The following MRPS6 variants were observed in gnomAD, a reference collection of about 807,000 sequenced individuals.
MRPS6 encodes the protein mitochondrial ribosomal protein S6.
MRPS6 carries 6 observed loss-of-function variants against 13.1 expected under a neutral mutation model. The ratio of observed to expected loss-of-function variants is 0.46; its 90% confidence interval spans 0.25 to 0.91. The LOEUF is 0.91. Ranked by LOEUF, MRPS6 falls within the 40% of genes least tolerant of loss-of-function variation. The probability of loss-of-function intolerance (pLI) is 0.18; values close to 1 mark genes in which losing one functional copy is unlikely to be tolerated. For synonymous variants in MRPS6, 61 were observed against 56.5 expected, an observed-to-expected ratio of 1.08 and a Z score of -0.36; for missense variants, 164 against 155.6, an observed-to-expected ratio of 1.05 and a Z score of -0.29.
rs549324983 is a variant in MRPS6 at position 34,128,683 on chromosome 21, G to T, written c.185+3203G>T. Reference sequence around the variant, plus strand: ...ACTTATTTTCCCAGTGGAACAACTTGATGGTTAAGTTCCCAGACTAGTCCA... The same window carrying T: ...ACTTATTTTCCCAGTGGAACAACTTTATGGTTAAGTTCCCAGACTAGTCCA... On this transcript the variant is annotated intron_variant, in intron 2 of 2. Transcript: ENST00000399312. 2.3e-3 allele frequency among the ~76,000 whole-genome samples: 356 copies of T among 152,348 alleles called. 1 individual carries two copies. The highest frequency in any genetic ancestry group is 3.9e-3 in the Non-Finnish European group (265 of 68,030).
At chr21:34,098,829 A>G in intron 1 of MRPS6, 1 of 999,902 alleles carries the variant, frequency 1.0e-6, no homozygotes, top group Non-Finnish European at 1.2e-6. Context: ...TATGCTCAAC[A>G]CTGTCCTTTG....
intron 1 of MRPS6, among the ~76,000 whole-genome samples, chr21:34,115,203 T>C (rs1174364768): frequency 6.6e-6 from 1 of 152,244 alleles, no homozygotes; most frequent in African/African-American, 2.4e-5. Flanking sequence ...GTCATTGGCT[T>C]CTTGCTCCTG....
intron 2 of MRPS6, among the ~76,000 whole-genome samples, chr21:34,138,171 A>G (rs1305661477): frequency 6.6e-6 from 1 of 150,618 alleles, no homozygotes; most frequent in Non-Finnish European, 1.5e-5. Flanking sequence ...TTGTCAGATG[A>G]GTAGGTTGCG....
At chr21:34,103,082 T>C in intron 1 of MRPS6, 1 of 1,000,106 alleles carries the variant, frequency 1.0e-6, no homozygotes, top group Non-Finnish European at 1.2e-6. Context: ...ACTCATCTTT[T>C]TGTTGTTATA....
intron 1 of MRPS6, among the ~76,000 whole-genome samples, chr21:34,086,494 T>C (rs1445598682): frequency 6.9e-6 from 1 of 145,692 alleles, no homozygotes; most frequent in Non-Finnish European, 1.5e-5. Flanking sequence ...TTTATCTGAC[T>C]TGTGTTTATT....
At chr21:34,114,468 A>G (rs1405784568) in intron 1 of MRPS6, among the ~76,000 whole-genome samples, 1 of 152,142 alleles carries the variant, frequency 6.6e-6, no homozygotes, top group Non-Finnish European at 1.5e-5. Flanking sequence ...CGGTTCTCAC[A>G]TTTGTTTGCA....
chr21:34,123,231 A>G (rs1268103454), intron 1 of MRPS6: 2 of 152,226 alleles, frequency 1.3e-5, no homozygotes, highest in Non-Finnish European at 2.9e-5. Context: ...TTTTAAAAAT[A>G]TAGTGGATTT....
At chr21:34,074,073 A>G (rs1172913855) in intron 1 of MRPS6, among the ~76,000 whole-genome samples, 3 of 143,320 alleles carry the variant, frequency 2.1e-5, no homozygotes, top group Non-Finnish European at 4.6e-5. Flanking sequence ...GCGGGAGTCC[A>G]GTGGAAGGTC....
intron 1 of MRPS6, among the ~76,000 whole-genome samples, chr21:34,075,798 T>G (rs1478403330): frequency 1.3e-5 from 2 of 152,232 alleles, no homozygotes; most frequent in Non-Finnish European, 2.9e-5. Flanking sequence ...ACCAGTTTGC[T>G]TGCTTTCAGT....
intron 1 of MRPS6, chr21:34,103,252 G>A (rs189240563): frequency 9.0e-6 from 9 of 996,972 alleles, no homozygotes; most frequent in East Asian, 1.1e-4. Flanking sequence ...GCACCTTTCC[G>A]TTCTTAACAG....
At position 34,073,623 on chromosome 21, in the gene MRPS6, C is replaced by T. The variant is rs1224983583; in HGVS notation, c.-78C>T. 5 of 1,304,276 alleles carry T rather than the reference C, an allele frequency of 3.8e-6. No homozygotes were observed. The highest frequency in any genetic ancestry group is 5.3e-6 in the Non-Finnish European group (5 of 944,500). The allele number at this position is 1,304,276 out of a possible 1,614,324, so 80.8% of individuals were successfully genotyped here. ...GTCCGGCGCAGCAGTTTCTAGGTCC[C>T]CACTGTCCCCGCCGTCCCGCCCCTT... is the stretch of plus-strand genomic sequence containing the variant. On this transcript the variant is annotated 5_prime_UTR_variant, in exon 1 of 3. Coordinates refer to ENST00000399312, the MANE Select transcript of MRPS6 (RefSeq NM_032476.4).
chr21:34,130,419 C>G (rs1389782041), intron 2 of MRPS6, among the ~76,000 whole-genome samples: 1 of 152,098 alleles, frequency 6.6e-6, no homozygotes, highest in Non-Finnish European at 1.5e-5. Flanking sequence ...CTAGGCCTCT[C>G]CAGGGGAGGG....
intron 1 of MRPS6, among the ~76,000 whole-genome samples, chr21:34,085,999 T>A (rs1183405710): frequency 6.6e-6 from 1 of 152,238 alleles, no homozygotes; most frequent in African/African-American, 2.4e-5. Flanking sequence ...TTGTCAAAAG[T>A]GTCTGTCTAC....
intron 2 of MRPS6, chr21:34,135,452 C>T: frequency 2.1e-6 from 1 of 482,940 alleles, no homozygotes; most frequent in South Asian, 1.6e-5. Flanking sequence ...GACTTGGCCA[C>T]ACATGCCAGC....
Position 34,096,981 on chromosome 21 carries a change from A to C in MRPS6, c.45+23236A>C, listed in dbSNP as rs760955268. The C allele has an allele frequency of 6.2e-7, 1 of 1,614,116 alleles. No individual in the cohort carries two copies. Among genetic ancestry groups the C allele is most frequent in the Admixed American group, 1.7e-5 (1 of 60,028 alleles). On this transcript the variant is annotated intron_variant, in intron 1 of 2. Transcript: ENST00000399312. The surrounding 1 kb of genome is among the most constrained non-coding windows in gnomAD (Gnocchi z 5.9). ...TCCCAACGGGAAATCTGAAGACAGC[A>C]TTAAGGGCCTTCAGCCTGAAGATGT...
chr21:34,093,877 A>G (rs963574001), intron 1 of MRPS6, among the ~76,000 whole-genome samples: 1 of 152,232 alleles, frequency 6.6e-6, no homozygotes, highest in African/African-American at 2.4e-5. Flanking sequence ...AGATTTATCT[A>G]ATGGTCCACA....
At chr21:34,130,547 CTGAG>C (rs1376808238) in intron 2 of MRPS6, among the ~76,000 whole-genome samples, 5 of 152,108 alleles carry the variant, frequency 3.3e-5, no homozygotes, top group Non-Finnish European at 5.9e-5. Context: ...AGCCATTTCT[CTGAG>C]TGTTTTCAGA....
intron 1 of MRPS6, chr21:34,099,489 A>C: frequency 1.0e-6 from 1 of 999,878 alleles, no homozygotes; most frequent in Non-Finnish European, 1.2e-6. Flanking sequence ...ATTAAGTTGT[A>C]AGAACTAAAA....
intron 1 of MRPS6, among the ~76,000 whole-genome samples, chr21:34,081,970 A>G (rs1180515477): frequency 6.6e-6 from 1 of 151,768 alleles, no homozygotes; most frequent in African/African-American, 2.4e-5. Context: ...TATTATTGCC[A>G]TGAGGGGTGT....
Sources: gnomAD v4.1 joint callset for allele counts (sites outside exome capture counted in the v4.1 genomes callset) on GRCh38, gnomAD v4.1.1 for gene constraint, Gnocchi (gnomAD v3.1) non-coding constraint, MANE v1.5 for transcripts, NCBI Gene and HGNC (gene_info 2026-07-23, HGNC 2026-07-21) for gene names.